Variants in MMAA observed in about 807,000 individuals in gnomAD.
The protein encoded by MMAA is methylmalonic aciduria type A protein, mitochondrial.
MMAA carries 41 observed loss-of-function variants against 45.0 expected under a neutral mutation model. That is an observed-to-expected ratio of 0.91 (90% CI 0.71 to 1.18). The LOEUF is 1.18. MMAA is among the 50% of genes most tolerant of loss of function. The probability of loss-of-function intolerance (pLI) is 0.00; values close to 1 mark genes in which losing one functional copy is unlikely to be tolerated. For synonymous variants in MMAA, 154 were observed against 178.2 expected, an observed-to-expected ratio of 0.86 and a Z score of 1.08; for missense variants, 460 against 495.7, an observed-to-expected ratio of 0.93 and a Z score of 0.68.
At chr4:145,629,689 G>C (rs1734287212) in intron 1 of MMAA, among the ~76,000 whole-genome samples, 1 of 152,140 alleles carries the variant, frequency 6.6e-6, no homozygotes, top group Non-Finnish European at 1.5e-5. Flanking sequence ...CACATGGCTG[G>C]GGAGGCTTCA....
At chr4:145,625,736 A>G (rs1422395268) in intron 1 of MMAA, 2 of 1,441,436 alleles carry the variant, frequency 1.4e-6, no homozygotes, top group Non-Finnish European at 2.0e-6. Context: ...GAATAAGACA[A>G]TTGAACTGGC....
At chr4:145,649,155 A>G (rs989934275) in intron 4 of MMAA, among the ~76,000 whole-genome samples, 3 of 150,166 alleles carry the variant, frequency 2.0e-5, no homozygotes, top group Non-Finnish European at 3.0e-5. Flanking sequence ...AAAATTAGCC[A>G]GGCATTGTGT....
intron 1 of MMAA, among the ~76,000 whole-genome samples, chr4:145,622,125 A>G (rs2126605369): frequency 6.6e-6 from 1 of 152,334 alleles, no homozygotes; most frequent in East Asian, 1.9e-4. Context: ...TAACTCCCAC[A>G]ATCCCCATGT....
rs536400164 is a variant in MMAA, at chr4:145,626,776, G to GA, written c.-66+7375dup. Among the ~76,000 whole-genome samples, 14 of 152,256 alleles carry GA rather than the reference G, an allele frequency of 9.2e-5. No homozygotes were observed. The South Asian group carries it at 1.2e-3, about 14-fold the overall frequency. On this transcript the variant is annotated intron_variant, in intron 1 of 6. Transcript: ENST00000649156. ...TGTAGGATTGTTGTGAGGATTAGCT[G>GA]AAAAAATGCATGCACGATGCCTCAC...
chr4:145,640,155 G>T (rs1389805121), intron 2 of MMAA, among the ~76,000 whole-genome samples: 3 of 152,094 alleles, frequency 2.0e-5, no homozygotes, highest in African/African-American at 7.2e-5. Context: ...CGCCCAGGCT[G>T]GAGTGCAGTG....
rs755710950 is a variant in MMAA at position 145,655,293 on chromosome 4, G to A, written c.1116G>A (p.Gln372=). The change falls in exon 7 of 7, where the codon CAG becomes CAA. Residue 372 remains glutamine, a synonymous_variant. Transcript: ENST00000649156. The part of the protein sequence containing the change: ...QQKVWMWNLI[Q]ESVLEHFRTH... Reference sequence around the variant, plus strand: ...AAGTTTGGATGTGGAATCTCATTCAGGAAAGTGTGTTAGAGCATTTCAGGA... The same window carrying A: ...AAGTTTGGATGTGGAATCTCATTCAAGAAAGTGTGTTAGAGCATTTCAGGA... 1.2e-6 allele frequency: 2 copies of A among 1,614,176 alleles called. No individual in the cohort carries two copies. The highest frequency in any genetic ancestry group is 1.3e-5 in the African/African-American group (1 of 75,054).
At chr4:145,634,846 G>A (rs922404797) in intron 1 of MMAA, among the ~76,000 whole-genome samples, 4 of 151,840 alleles carry the variant, frequency 2.6e-5, no homozygotes, top group South Asian at 2.1e-4. Context: ...TAGAAATGTC[G>A]TTCAGGAGCT....
At chr4:145,634,011 C>A (rs367670427) in intron 1 of MMAA, among the ~76,000 whole-genome samples, 1 of 152,220 alleles carries the variant, frequency 6.6e-6, no homozygotes, top group African/African-American at 2.4e-5. Flanking sequence ...TGGGTCAGAC[C>A]TGAGTCCAAC....
rs369959550 is a variant in MMAA at position 145,630,584 on chromosome 4, C to T, written c.-65-8491C>T. Among the ~76,000 whole-genome samples, 14 of 152,198 alleles carry T rather than the reference C, an allele frequency of 9.2e-5. No individual in the cohort carries two copies. In the East Asian group the frequency reaches 1.9e-3, roughly 21 times the overall value. On this transcript the variant is annotated intron_variant, in intron 1 of 6. Coordinates refer to ENST00000649156, the MANE Select transcript of MMAA (RefSeq NM_172250.3). ...TCTCTACTAAAAAAACAAAATTAGC[C>T]GGGCATGGCGGCACATGCCTGTAAT...
intron 1 of MMAA, among the ~76,000 whole-genome samples, chr4:145,632,227 G>A (rs928989323): frequency 2.6e-5 from 4 of 152,194 alleles, no homozygotes; most frequent in Non-Finnish European, 5.9e-5. Flanking sequence ...GTTTGTCTGA[G>A]AAAGTATTTC....
intron 3 of MMAA, among the ~76,000 whole-genome samples, chr4:145,643,750 G>A (rs760976611): frequency 1.2e-4 from 19 of 152,056 alleles, no homozygotes; most frequent in Non-Finnish European, 2.1e-4. Context: ...TTTTTAGTAA[G>A]TGGCCCTCAT....
At chr4:145,623,823 T>C (rs537534356) in intron 1 of MMAA, among the ~76,000 whole-genome samples, 7 of 152,330 alleles carry the variant, frequency 4.6e-5, no homozygotes, top group African/African-American at 1.7e-4. Flanking sequence ...CTTGAGTGTT[T>C]TAATGTACTT....
chr4:145,643,277 A>G (rs761601043), intron 3 of MMAA, among the ~76,000 whole-genome samples: 9 of 152,200 alleles, frequency 5.9e-5, no homozygotes, highest in Non-Finnish European at 1.3e-4. Context: ...TAGGTGAGGC[A>G]TTGTACATGG....
chr4:145,632,700 T>G (rs900806886), intron 1 of MMAA, among the ~76,000 whole-genome samples: 5 of 152,126 alleles, frequency 3.3e-5, no homozygotes, highest in African/African-American at 1.2e-4. Context: ...TTTTTTATTC[T>G]TTTCTCTTTT....
intron 1 of MMAA, among the ~76,000 whole-genome samples, chr4:145,631,277 GTCTA>G (rs1291896182): frequency 1.3e-5 from 2 of 152,156 alleles, no homozygotes; most frequent in African/African-American, 2.4e-5. Context: ...TTGTATTGGG[GTCTA>G]TCTCTCTATC....
intron 3 of MMAA, chr4:145,642,686 A>T: frequency 1.5e-6 from 1 of 658,016 alleles, no homozygotes; most frequent in South Asian, 1.7e-5. Context: ...CAGCTTGTGG[A>T]TAGCTCAGTG....
At chr4:145,620,429 C>T (rs1484309595) in intron 1 of MMAA, among the ~76,000 whole-genome samples, 1 of 152,202 alleles carries the variant, frequency 6.6e-6, no homozygotes, top group Non-Finnish European at 1.5e-5. Context: ...TGATTGTTGC[C>T]ATGTGGGAAT....
chr4:145,635,309 T>C (rs1046864615), intron 1 of MMAA, among the ~76,000 whole-genome samples: 2 of 152,140 alleles, frequency 1.3e-5, no homozygotes, highest in African/African-American at 4.8e-5. Context: ...GTTCCTTCTG[T>C]GTGTGGTGCC....
At chr4:145,636,374 T>C (rs1009174859) in intron 1 of MMAA, among the ~76,000 whole-genome samples, 1 of 152,260 alleles carries the variant, frequency 6.6e-6, no homozygotes, top group African/African-American at 2.4e-5. Flanking sequence ...CTCATCACTC[T>C]TGACTTCGTG....
Sources: allele counts gnomAD v4.1 joint callset (sites outside exome capture counted in the v4.1 genomes callset), GRCh38; gene constraint gnomAD v4.1.1; transcripts MANE v1.5; gene names NCBI Gene and HGNC (gene_info 2026-07-23, HGNC 2026-07-21).